The following TNFRSF10A variants were observed in gnomAD, a reference collection of about 807,000 sequenced individuals.
TNFRSF10A encodes the protein tumor necrosis factor receptor superfamily member 10A.
TNFRSF10A carries 44 observed loss-of-function variants against 42.8 expected under a neutral mutation model. That is an observed-to-expected ratio of 1.03 (90% CI 0.81 to 1.32). The LOEUF is 1.32. TNFRSF10A is among the 40% of genes most tolerant of loss of function. The probability of loss-of-function intolerance (pLI) is 0.00; values close to 1 mark genes in which losing one functional copy is unlikely to be tolerated. For missense variants in TNFRSF10A, 680 were observed against 602.0 expected (o/e 1.13, Z -1.36); for synonymous variants, 259 against 234.2 (o/e 1.11, Z -0.97).
chr8:23,202,187 GTA>G (rs1337321274), intron 3 of TNFRSF10A, among the ~76,000 whole-genome samples: 8 of 152,236 alleles, frequency 5.3e-5, no homozygotes, highest in African/African-American at 1.9e-4. Flanking sequence ...CGCATGGTCA[GTA>G]GCAAAGGAGG....
At chr8:23,217,911 C>T (rs1021753837) in intron 1 of TNFRSF10A, among the ~76,000 whole-genome samples, 3 of 152,240 alleles carry the variant, frequency 2.0e-5, no homozygotes, top group Admixed American at 1.3e-4. Flanking sequence ...ACAAATGCCA[C>T]TGGTGGCAGG....
rs953850889 is a variant in TNFRSF10A at position 23,199,207 on chromosome 8, C to T, written c.1014+59G>A. 23 of 1,570,110 alleles carry T rather than the reference C, an allele frequency of 1.5e-5. No homozygotes were observed. The African/African-American group carries it at 2.3e-4, about 16-fold the overall frequency. ...CCACTTCCCCTTTGACCAGGAGAGC[C>T]GAGGCATGGCCTTCACCCCCTGCCT... On this transcript the variant is annotated intron_variant, in intron 8 of 9. Transcript: ENST00000221132.
At chr8:23,204,302 GGAGA>G (rs1800975736) in intron 2 of TNFRSF10A, among the ~76,000 whole-genome samples, 1 of 152,134 alleles carries the variant, frequency 6.6e-6, no homozygotes, top group African/African-American at 2.4e-5. Flanking sequence ...TTACAAGTTT[GGAGA>G]GAGAAAGGAC....
chr8:23,192,605 C>G (rs1800771810), intron 9 of TNFRSF10A, among the ~76,000 whole-genome samples: 1 of 152,178 alleles, frequency 6.6e-6, no homozygotes, highest in African/African-American at 2.4e-5. Flanking sequence ...GCACTGCACA[C>G]CACCATCCAC....
In TNFRSF10A at chr8:23,202,002, C is replaced by A. The variant is rs539880775; in HGVS notation, c.518-83G>T. 20 of 1,224,228 alleles carry A rather than the reference C, an allele frequency of 1.6e-5. No homozygotes were observed. The Admixed American group carries it at 1.9e-4, about 12-fold the overall frequency. 75.8% of individuals were successfully genotyped at this position (1,224,228 alleles called of 1,614,324 possible). ...TCCTCACCACCCCAACTCCCTCCCC[C>A]TCAGCTCAGCTCAACTCAGTTTGCC... On this transcript the variant is annotated intron_variant, in intron 3 of 9. Coordinates refer to ENST00000221132, the MANE Select transcript of TNFRSF10A (RefSeq NM_003844.4).
At chr8:23,214,528 A>G (rs1427638777) in intron 1 of TNFRSF10A, among the ~76,000 whole-genome samples, 2 of 151,712 alleles carry the variant, frequency 1.3e-5, no homozygotes, top group Non-Finnish European at 2.9e-5. Flanking sequence ...ATTTTCACAT[A>G]TTTGTGGATT....
At chr8:23,217,312 T>A (rs1169013710) in intron 1 of TNFRSF10A, among the ~76,000 whole-genome samples, 1 of 152,092 alleles carries the variant, frequency 6.6e-6, no homozygotes, top group Non-Finnish European at 1.5e-5. Context: ...GAATCCCTGG[T>A]TCAAGTGATT....
chr8:23,191,411 G>T lies in TNFRSF10A; in HGVS notation c.*283C>A. 1 of 468,682 alleles carries T rather than the reference G, an allele frequency of 2.1e-6. No homozygotes were observed. The highest frequency in any genetic ancestry group is 3.7e-6 in the Non-Finnish European group (1 of 267,590). The allele number at this position is 468,682 out of a possible 1,614,324, so 29.0% of individuals were successfully genotyped here. ...CCTCGTGGGTTCAAGTGATTCTCCT[G>T]CCTCAGCCTCCCGAGTAGCCGAGAA... On this transcript the variant is annotated 3_prime_UTR_variant, in exon 10 of 10. Transcript: ENST00000221132.
At chr8:23,224,044 G>C (rs1585290710) in intron 1 of TNFRSF10A, among the ~76,000 whole-genome samples, 1 of 152,112 alleles carries the variant, frequency 6.6e-6, no homozygotes, top group East Asian at 1.9e-4. Flanking sequence ...GAAGGATGGA[G>C]GGCCGGGCGC....
At position 23,191,006 on chromosome 8, in the gene TNFRSF10A, T is replaced by C. The variant is rs949784010; in HGVS notation, c.*688A>G. On this transcript the variant is annotated 3_prime_UTR_variant, in exon 10 of 10. Coordinates refer to ENST00000221132, the MANE Select transcript of TNFRSF10A (RefSeq NM_003844.4). ...CAGATGGATTTGCTTTTCCTTTTTT[T>C]TTTGTTTTCTTCTATCTTGCTCCCC... 1.3e-5 allele frequency: 2 copies of C among 152,210 alleles called. No individual in the cohort carries two copies. Among genetic ancestry groups the C allele is most frequent in the Non-Finnish European group, 2.9e-5 (2 of 68,094 alleles). 9.4% of individuals were successfully genotyped at this position (152,210 alleles called of 1,614,324 possible). A position where few individuals can be genotyped will look rare whatever the true frequency, so the allele number is the denominator to read the frequency against.
intron 1 of TNFRSF10A, 48 bp downstream of exon 1, chr8:23,224,708 C>G (rs771074005): frequency 1.3e-6 from 2 of 1,531,836 alleles, no homozygotes; most frequent in Admixed American, 2.0e-5. Context: ...TGCCCCCTCC[C>G]GGTGCCAGGC....
chr8:23,197,403 G>C (rs907870898), intron 8 of TNFRSF10A, 199 bp from the exon 9 acceptor site: 8 of 602,810 alleles, frequency 1.3e-5, no homozygotes, highest in Middle Eastern at 2.7e-4. Context: ...AGCTCCACCC[G>C]GTCAGATCAG....
intron 9 of TNFRSF10A, 138 bp from the exon 10 acceptor site, chr8:23,192,151 C>T (rs867388215): frequency 7.0e-7 from 1 of 1,427,572 alleles, no homozygotes; most frequent in Non-Finnish European, 9.3e-7. Context: ...TGCTCCATTG[C>T]CCACCCACCT....
chr8:23,202,886 G>C, intron 2 of TNFRSF10A, 125 bp from the exon 3 acceptor site: 1 of 651,642 alleles, frequency 1.5e-6, no homozygotes, highest in Non-Finnish European at 2.8e-6. Flanking sequence ...CATCTTCTTG[G>C]CTTGGTCTTG....
intron 3 of TNFRSF10A, 21 bp downstream of exon 3, chr8:23,202,627 A>G (rs1268732834): frequency 1.3e-6 from 2 of 1,590,634 alleles, no homozygotes; most frequent in Non-Finnish European, 1.7e-6. Flanking sequence ...CCTCTGGACA[A>G]GAGGTCCACA....
intron 1 of TNFRSF10A, among the ~76,000 whole-genome samples, chr8:23,219,523 T>C (rs1801228633): frequency 6.6e-6 from 1 of 152,128 alleles, no homozygotes; most frequent in Non-Finnish European, 1.5e-5. Flanking sequence ...CCAAAAATGC[T>C]ACAGACATGG....
chr8:23,197,075 A>T, intron 9 of TNFRSF10A, 57 bp downstream of exon 9: 2 of 1,607,008 alleles, frequency 1.2e-6, no homozygotes, highest in Admixed American at 3.3e-5. Flanking sequence ...GACACCAGTT[A>T]GGACACCGTC....
Position 23,197,137 on chromosome 8 carries a change from G to C in TNFRSF10A, c.1082C>G (p.Thr361Ser), listed in dbSNP as rs1345469022. 1.2e-6 allele frequency: 2 copies of C among 1,614,168 alleles called. No homozygotes were observed. Among genetic ancestry groups the C allele is most frequent in the East Asian group, 4.5e-5 (2 of 44,890 alleles). ...TCCAGGAGCAAAACACTTACTCTCA[G>C]TGGGGTCAGCACCATTTGCTGGAAC... The part of the protein sequence containing the change: ...LLVPANGADP[T>S]ETLMLFFDKF... The change falls in exon 9 of 10, where the codon ACT becomes AGT. Residue 361 changes from threonine (T) to serine (S), a missense_variant. Physicochemically the swap from Thr to Ser is moderately conservative, Grantham distance 58. Coordinates refer to ENST00000221132, the MANE Select transcript of TNFRSF10A (RefSeq NM_003844.4).
chr8:23,207,795 T>G (rs184717751), intron 2 of TNFRSF10A, among the ~76,000 whole-genome samples: 1 of 152,088 alleles, frequency 6.6e-6, no homozygotes, highest in East Asian at 1.9e-4. Context: ...CTCCTTGCCT[T>G]CCATCATTAT....
Sources: gnomAD v4.1 joint callset for allele counts (sites outside exome capture counted in the v4.1 genomes callset) on GRCh38, gnomAD v4.1.1 for gene constraint, MANE v1.5 for transcripts, NCBI Gene and HGNC (gene_info 2026-07-23, HGNC 2026-07-21) for gene names.